Variants in MYLK4 observed in about 807,000 individuals in gnomAD.
MYLK4 encodes the protein caMLCK like.
In MYLK4, 46 loss-of-function variants were observed where a neutral mutation model predicts 48.1. The ratio of observed to expected loss-of-function variants is 0.96; its 90% confidence interval spans 0.75 to 1.22. MYLK4 has a LOEUF of 1.22. Ranked by LOEUF, MYLK4 falls within the 50% of genes most tolerant of loss-of-function variation. The pLI, the probability that MYLK4 is intolerant of heterozygous loss-of-function variation, is 0.00. For missense variants in MYLK4, 451 were observed against 486.1 expected (o/e 0.93, Z 0.68); for synonymous variants, 170 against 180.8 (o/e 0.94, Z 0.48).
chr6:2,765,925 C>A, the MYLK4 span: 2 of 1,452,282 alleles, frequency 1.4e-6, no homozygotes, highest in Non-Finnish European at 1.8e-6. Flanking sequence ...AGGGCGACGA[C>A]GGCGGCGAGA....
At chr6:2,749,743 C>T (rs1242387219) in intron 1 of MYLK4, among the ~76,000 whole-genome samples, 2 of 152,152 alleles carry the variant, frequency 1.3e-5, no homozygotes, top group African/African-American at 4.8e-5. Flanking sequence ...TAATTGGAAC[C>T]GCAGGTTTTG....
chr6:2,692,902 T>C (rs1761867065), intron 2 of MYLK4, 43 bp from the exon 3 acceptor site: 3 of 1,576,974 alleles, frequency 1.9e-6, no homozygotes, highest in Non-Finnish European at 2.6e-6. Flanking sequence ...ATATCACATC[T>C]GGGCTTTTCA....
At chr6:2,670,450 G>A (rs1760841495) in intron 12 of MYLK4, among the ~76,000 whole-genome samples, 1 of 152,200 alleles carries the variant, frequency 6.6e-6, no homozygotes, top group Admixed American at 6.5e-5. Flanking sequence ...TTACATGCAT[G>A]GAGCTGTGAA....
rs141341920 is a variant in MYLK4, at chr6:2,744,002, A to G, written c.159+5134T>C. ...CGAGAGAAGGCACACGCTACCTACA[A>G]CCCAGACGTCTTTTCTTCTGAGTGT... is the stretch of plus-strand genomic sequence containing the variant. On this transcript the variant is annotated intron_variant, in intron 2 of 12. Coordinates refer to ENST00000274643, the MANE Select transcript of MYLK4 (RefSeq NM_001012418.5). 8.4e-4 allele frequency: 337 copies of G among 398,940 alleles called. 2 individuals carry two copies. In the East Asian group the frequency reaches 0.012, roughly 14 times the overall value. 24.7% of individuals were successfully genotyped at this position (398,940 alleles called of 1,614,324 possible). A position where few individuals can be genotyped will look rare whatever the true frequency, so the allele number is the denominator to read the frequency against.
chr6:2,767,595 T>C, the MYLK4 span, among the ~76,000 whole-genome samples: 1 of 152,268 alleles, frequency 6.6e-6, no homozygotes, highest in Non-Finnish European at 1.5e-5. Context: ...GTCGAGTTGT[T>C]GACGTCTGTC....
At chr6:2,692,949 G>A (rs967554928) in intron 2 of MYLK4, 90 bp from the exon 3 acceptor site, 20 of 1,179,468 alleles carry the variant, frequency 1.7e-5, no homozygotes, top group South Asian at 2.7e-5. Context: ...GGATGATTCC[G>A]TGTGGTGGGG....
Position 2,685,716 on chromosome 6 carries a change from A to C in MYLK4, c.342-140T>G, listed in dbSNP as rs1479390385. On this transcript the variant is annotated intron_variant, in intron 4 of 12. Transcript: ENST00000274643. This position sits in a 1 kb window ranked among gnomAD's most constrained non-coding sequence, Gnocchi z 4.5. ...AGTTCTTTCAGTAAACTTCTAGAGC[A>C]GTATTTGTCAACATGTGGTGTGTGG... The C allele has an allele frequency of 1.5e-6, 1 of 674,066 alleles. No individual in the cohort carries two copies. The highest frequency in any genetic ancestry group is 2.5e-6 in the Non-Finnish European group (1 of 393,388). The allele number at this position is 674,066 out of a possible 1,614,324, so 41.8% of individuals were successfully genotyped here. A position where few individuals can be genotyped will look rare whatever the true frequency, so the allele number is the denominator to read the frequency against.
intron 3 of MYLK4, among the ~76,000 whole-genome samples, chr6:2,690,053 C>T (rs867045725): frequency 6.6e-6 from 1 of 152,292 alleles, no homozygotes; most frequent in African/African-American, 2.4e-5. Context: ...ATATCTCCTG[C>T]AGGCTGTTAG....
intron 11 of MYLK4, among the ~76,000 whole-genome samples, chr6:2,674,418 G>A (rs1214161716): frequency 1.3e-5 from 2 of 152,092 alleles, no homozygotes; most frequent in African/African-American, 4.8e-5. Context: ...ATATTCTCCA[G>A]AACTTTATAT....
At chr6:2,728,083 G>A (rs779398082) in intron 2 of MYLK4, among the ~76,000 whole-genome samples, 2 of 152,096 alleles carry the variant, frequency 1.3e-5, no homozygotes, top group Admixed American at 6.6e-5. Context: ...ACTGAGGCAC[G>A]GAAAGGATAA....
At chr6:2,738,803 CTT>C (rs978017961) in intron 2 of MYLK4, among the ~76,000 whole-genome samples, 4 of 152,180 alleles carry the variant, frequency 2.6e-5, no homozygotes, top group Non-Finnish European at 5.9e-5. Flanking sequence ...CATCTTGACA[CTT>C]TTTAATTTTT....
chr6:2,686,537 C>T (rs1761558087), intron 4 of MYLK4, among the ~76,000 whole-genome samples: 1 of 152,198 alleles, frequency 6.6e-6, no homozygotes, highest in South Asian at 2.1e-4. Context: ...AGCTAGAACA[C>T]GTGTCCCTGC....
intron 2 of MYLK4, among the ~76,000 whole-genome samples, chr6:2,748,645 CT>C (rs1451806267): frequency 6.6e-5 from 10 of 152,320 alleles, no homozygotes; most frequent in African/African-American, 2.4e-4. Flanking sequence ...TGGAATGGGG[CT>C]CAGAACTCTC....
chr6:2,765,225 CAG>C, the MYLK4 span, among the ~76,000 whole-genome samples: 7 of 130,286 alleles, frequency 5.4e-5, no homozygotes, highest in African/African-American at 2.0e-4. Context: ...AGGCTGTTCT[CAG>C]AGTCGGAAAT....
intron 2 of MYLK4, among the ~76,000 whole-genome samples, chr6:2,722,254 A>G (rs369341669): frequency 4.6e-5 from 7 of 152,248 alleles, no homozygotes; most frequent in African/African-American, 1.2e-4. Context: ...GATTTTGACA[A>G]TTAGTATACA....
At chr6:2,768,201 A>C in the MYLK4 span, among the ~76,000 whole-genome samples, 1 of 152,152 alleles carries the variant, frequency 6.6e-6, no homozygotes, top group Admixed American at 6.5e-5. Flanking sequence ...GGTGGATGTC[A>C]TTGGTCTCAA....
chr6:2,683,409 G>T (rs1264563059), intron 6 of MYLK4, among the ~76,000 whole-genome samples: 27 of 127,752 alleles, frequency 2.1e-4, no homozygotes, highest in Admixed American at 9.1e-4. Context: ...GTGTGTGTGT[G>T]TGTGTGTGTG....
chr6:2,696,565 C>G (rs1045614803), intron 2 of MYLK4, among the ~76,000 whole-genome samples: 3 of 152,224 alleles, frequency 2.0e-5, no homozygotes, highest in African/African-American at 7.2e-5. Context: ...TGCCAGCAGC[C>G]TGATTTGGGA....
Position 2,665,140 on chromosome 6 carries a change from A to G in MYLK4, c.*2785T>C, listed in dbSNP as rs577646287. Reference sequence around the variant, plus strand: ...CCAAATCCTAATGACCTGTTGGAAAAATTGATCTCCATAGCCCTGGTCTAG... The same window carrying G: ...CCAAATCCTAATGACCTGTTGGAAAGATTGATCTCCATAGCCCTGGTCTAG... On this transcript the variant is annotated 3_prime_UTR_variant, in exon 13 of 13. Coordinates refer to ENST00000274643, the MANE Select transcript of MYLK4 (RefSeq NM_001012418.5). 1.3e-5 allele frequency: 2 copies of G among 152,296 alleles called. No individual in the cohort carries two copies. Among genetic ancestry groups the G allele is most frequent in the South Asian group, 4.2e-4 (2 of 4,816 alleles). The allele number at this position is 152,296 out of a possible 1,614,324, so 9.4% of individuals were successfully genotyped here. A position where few individuals can be genotyped will look rare whatever the true frequency, so the allele number is the denominator to read the frequency against.
Sources: gnomAD v4.1 joint callset for allele counts (sites outside exome capture counted in the v4.1 genomes callset) on GRCh38, gnomAD v4.1.1 for gene constraint, Gnocchi (gnomAD v3.1) non-coding constraint, MANE v1.5 for transcripts, NCBI Gene and HGNC (gene_info 2026-07-23, HGNC 2026-07-21) for gene names.